The following GPBP1 variants were observed in gnomAD, a reference collection of about 807,000 sequenced individuals.
GPBP1 encodes GC-rich promoter binding protein 1.
Under a neutral mutation model 56.5 loss-of-function variants are expected in GPBP1, and 13 were observed. The ratio of observed to expected loss-of-function variants is 0.23; its 90% CI spans 0.15 to 0.37. The LOEUF (loss-of-function observed/expected upper bound fraction) is 0.37, where lower values mean the gene tolerates loss of function less well. Among genes scored for constraint, GPBP1 ranks in the 10% least tolerant of loss-of-function variants. The pLI, the probability that GPBP1 is intolerant of heterozygous loss-of-function variation, is 1.00. For missense variants in GPBP1, 477 were observed against 572.3 expected (o/e 0.83, Z 1.70); for synonymous variants, 204 against 188.9 (o/e 1.08, Z -0.66).
chr5:57,189,432 A>G (rs1754425624), intron 2 of GPBP1, among the ~76,000 whole-genome samples: 1 of 151,954 alleles, frequency 6.6e-6, no homozygotes, highest in Non-Finnish European at 1.5e-5. Flanking sequence ...CTAATTTTGT[A>G]TTTTTAGTAG....
At chr5:57,212,560 C>T (rs936492078) in intron 2 of GPBP1, among the ~76,000 whole-genome samples, 6 of 152,124 alleles carry the variant, frequency 3.9e-5, no homozygotes, top group African/African-American at 1.4e-4. Flanking sequence ...GTTTTTCTCC[C>T]TAAGCCCATA....
intron 10 of GPBP1, among the ~76,000 whole-genome samples, chr5:57,258,891 T>C (rs1178136336): frequency 6.6e-6 from 1 of 152,262 alleles, no homozygotes; most frequent in Non-Finnish European, 1.5e-5. Context: ...GATAATTTTT[T>C]CCATCTGCAT....
intron 6 of GPBP1, among the ~76,000 whole-genome samples, chr5:57,241,409 TAA>T (rs1317886027): frequency 1.3e-5 from 2 of 152,112 alleles, no homozygotes; most frequent in African/African-American, 4.8e-5. Context: ...AACAAGACAA[TAA>T]AAGTGATATT....
At chr5:57,220,043 C>A (rs1273376475) in intron 3 of GPBP1, among the ~76,000 whole-genome samples, 38 of 147,744 alleles carry the variant, frequency 2.6e-4, no homozygotes, top group Non-Finnish European at 4.5e-4. Context: ...AAGAGTGAGA[C>A]CCTGTCTCAA....
At chr5:57,226,339 G>A (rs189672111) in intron 3 of GPBP1, among the ~76,000 whole-genome samples, 1 of 152,176 alleles carries the variant, frequency 6.6e-6, no homozygotes, top group African/African-American at 2.4e-5. Context: ...CAGTTGGCTG[G>A]GTCCTGACCT....
intron 2 of GPBP1, among the ~76,000 whole-genome samples, chr5:57,176,842 C>T (rs1428414392): frequency 6.6e-6 from 1 of 152,216 alleles, no homozygotes; most frequent in African/African-American, 2.4e-5. Flanking sequence ...ATTCCAAATG[C>T]AGTTTAGTGT....
intron 10 of GPBP1, among the ~76,000 whole-genome samples, chr5:57,254,116 G>A (rs1380726242): frequency 6.6e-6 from 1 of 151,862 alleles, no homozygotes; most frequent in Non-Finnish European, 1.5e-5. Flanking sequence ...TGTAGAGATG[G>A]GGTTTCGCCA....
At chr5:57,186,311 A>G (rs1042912672) in intron 2 of GPBP1, among the ~76,000 whole-genome samples, 1 of 151,870 alleles carries the variant, frequency 6.6e-6, no homozygotes, top group Non-Finnish European at 1.5e-5. Flanking sequence ...GCTTGAACCC[A>G]GGAGTTCAAG....
chr5:57,204,353 C>T (rs1420381605), intron 2 of GPBP1, among the ~76,000 whole-genome samples: 1 of 152,048 alleles, frequency 6.6e-6, no homozygotes. Context: ...AGGCCCAAAC[C>T]ATCCTCTTGC....
chr5:57,224,566 C>CT (rs1756096767), intron 3 of GPBP1, among the ~76,000 whole-genome samples: 1 of 152,056 alleles, frequency 6.6e-6, no homozygotes, highest in Non-Finnish European at 1.5e-5. Flanking sequence ...TCTAGTCAGC[C>CT]TTTCAAGTAG....
chr5:57,233,498 T>C (rs147590653), intron 5 of GPBP1, among the ~76,000 whole-genome samples: 1 of 152,322 alleles, frequency 6.6e-6, no homozygotes, highest in East Asian at 1.9e-4. Context: ...ACTTAACTAC[T>C]AGTAGCCTAC....
At chr5:57,250,809 T>C (rs1741348515) in intron 9 of GPBP1, 145 bp from the exon 10 acceptor site, 5 of 572,636 alleles carry the variant, frequency 8.7e-6, no homozygotes, top group South Asian at 5.1e-5. Flanking sequence ...CCTTCCAAAG[T>C]GCTGGGATTA....
intron 10 of GPBP1, among the ~76,000 whole-genome samples, chr5:57,255,215 T>C (rs1036564168): frequency 3.9e-5 from 6 of 152,038 alleles, no homozygotes; most frequent in African/African-American, 1.5e-4. Context: ...TCTCTTTCCC[T>C]TTCTCTCCCC....
rs79124902 is a variant in GPBP1 at position 57,251,079 on chromosome 5, C to T, written c.1098C>T (p.Ile366=). The T allele has an allele frequency of 1.9e-3, 3,090 of 1,613,392 alleles. 6 individuals are homozygous for T. The highest frequency in any genetic ancestry group is 2.5e-3 in the Non-Finnish European group (2,955 of 1,179,798). The change falls in exon 10 of 12, where the codon ATC becomes ATT. Residue 366 remains isoleucine, a synonymous_variant. Transcript: ENST00000506184. ...NGNASVISQQ[I]IRSSTFPQTD... is the part of the protein sequence containing the mutation. ...ATGCCTCAGTGATTTCCCAGCAGAT[C>T]ATTCGGTCTTCAACCTTCCCACAAA...
At chr5:57,260,102 C>T (rs1422433276) in intron 10 of GPBP1, among the ~76,000 whole-genome samples, 1 of 152,156 alleles carries the variant, frequency 6.6e-6, no homozygotes, top group Non-Finnish European at 1.5e-5. Flanking sequence ...ATGATGTGGG[C>T]ACACATTGAG....
intron 2 of GPBP1, among the ~76,000 whole-genome samples, chr5:57,187,597 T>C (rs979503143): frequency 3.3e-5 from 5 of 152,216 alleles, no homozygotes; most frequent in Non-Finnish European, 5.9e-5. Context: ...TATGGTTTCA[T>C]GCCATCTGTT....
Position 57,210,415 on chromosome 5 carries a change from A to T in GPBP1, c.-57-3659A>T, listed in dbSNP as rs116021565. Among the ~76,000 whole-genome samples, 1,262 of 152,336 alleles carry T rather than the reference A, an allele frequency of 8.3e-3. 9 individuals carry two copies. The highest frequency in any genetic ancestry group is 0.014 in the South Asian group (66 of 4,830). On this transcript the variant is annotated intron_variant, in intron 2 of 11. Transcript: ENST00000506184. ...GGGACCTTCAGATATGACAGAATCCAGTAGATTTCTTAAAAAAAATTTTTT... is the reference window on the plus strand; with the variant it reads ...GGGACCTTCAGATATGACAGAATCCTGTAGATTTCTTAAAAAAAATTTTTT...
chr5:57,219,428 A>C (rs1384553236), intron 3 of GPBP1, among the ~76,000 whole-genome samples: 1 of 149,002 alleles, frequency 6.7e-6, no homozygotes. Context: ...ACAAAAAAAA[A>C]AACAACAAAA....
chr5:57,190,391 C>T (rs1754468349), intron 2 of GPBP1, among the ~76,000 whole-genome samples: 2 of 151,908 alleles, frequency 1.3e-5, no homozygotes, highest in Non-Finnish European at 2.9e-5. Context: ...TCAAGACCAG[C>T]CTGGCCAACA....
Sources: allele counts gnomAD v4.1 joint callset (sites outside exome capture counted in the v4.1 genomes callset), GRCh38; gene constraint gnomAD v4.1.1; transcripts MANE v1.5; gene names NCBI Gene and HGNC (gene_info 2026-07-23, HGNC 2026-07-21).